Variants in MOB3B observed in about 807,000 individuals in gnomAD.
MOB3B encodes MOB kinase activator 3B.
Under a neutral mutation model 18.7 loss-of-function variants are expected in MOB3B, and 7 were observed. That is an observed-to-expected ratio of 0.37 (90% CI 0.21 to 0.70). MOB3B has a LOEUF of 0.70. MOB3B is among the 30% of genes least tolerant of loss of function. The pLI is 0.52. For missense variants in MOB3B, 253 were observed against 281.3 expected, an observed-to-expected ratio of 0.90 and a Z score of 0.72; for synonymous variants, 111 against 99.9, an observed-to-expected ratio of 1.11 and a Z score of -0.66.
chr9:27,397,628 A>C (rs1821821595), intron 2 of MOB3B: 2 of 152,200 alleles, frequency 1.3e-5, no homozygotes, highest in African/African-American at 4.8e-5. Context: ...CCCTCACAAG[A>C]TTCTAGTAAT....
At chr9:27,473,993 C>G (rs1006556608) in intron 1 of MOB3B, among the ~76,000 whole-genome samples, 1 of 152,132 alleles carries the variant, frequency 6.6e-6, no homozygotes, top group African/African-American at 2.4e-5. Flanking sequence ...TCAAGAGGGC[C>G]CACACCAGAA....
intron 1 of MOB3B, among the ~76,000 whole-genome samples, chr9:27,487,510 T>C (rs1004849964): frequency 4.6e-5 from 7 of 151,978 alleles, no homozygotes; most frequent in African/African-American, 1.7e-4. Flanking sequence ...TAGGCCCACA[T>C]CCCCATCACC....
At chr9:27,397,977 C>T (rs944050068) in intron 2 of MOB3B, among the ~76,000 whole-genome samples, 32 of 152,318 alleles carry the variant, frequency 2.1e-4, no homozygotes, top group Admixed American at 1.4e-3. Flanking sequence ...CAGTTAAGAA[C>T]CTGTGTTAGG....
chr9:27,483,712 T>C (rs771338514), intron 1 of MOB3B, among the ~76,000 whole-genome samples: 2 of 152,168 alleles, frequency 1.3e-5, no homozygotes, highest in Non-Finnish European at 2.9e-5. Context: ...CACGTTGTTA[T>C]GTTTGGTATG....
intron 1 of MOB3B, among the ~76,000 whole-genome samples, chr9:27,503,211 T>G (rs1183819083): frequency 6.6e-6 from 1 of 152,030 alleles, no homozygotes; most frequent in East Asian, 1.9e-4. Context: ...AGGGAAGGAC[T>G]GGGAGTTGAA....
chr9:27,384,297 T>C (rs991362029), intron 2 of MOB3B, among the ~76,000 whole-genome samples: 1 of 152,014 alleles, frequency 6.6e-6, no homozygotes, highest in Non-Finnish European at 1.5e-5. Flanking sequence ...GGAAACAAAC[T>C]ACTATCATTT....
In MOB3B at chr9:27,325,538, A is replaced by T. The variant is rs1483882949; in HGVS notation, c.*5049T>A. 6.6e-6 allele frequency: 1 copy of T among 152,248 alleles called. No homozygotes were observed. Among genetic ancestry groups the T allele is most frequent in the Non-Finnish European group, 1.5e-5 (1 of 68,052 alleles). The allele number at this position is 152,248 out of a possible 1,614,324, so 9.4% of individuals were successfully genotyped here. A position where few individuals can be genotyped will look rare whatever the true frequency, so the allele number is the denominator to read the frequency against. Reference sequence around the variant, plus strand: ...CACTGAAAATTCTTACTCAGAATTAATACCTGTCCAGAGGGAAACAGCCTG... The same window carrying T: ...CACTGAAAATTCTTACTCAGAATTATTACCTGTCCAGAGGGAAACAGCCTG... On this transcript the variant is annotated 3_prime_UTR_variant, in exon 4 of 4. Transcript: ENST00000262244.
At chr9:27,376,357 C>T (rs1821489586) in intron 2 of MOB3B, among the ~76,000 whole-genome samples, 1 of 152,192 alleles carries the variant, frequency 6.6e-6, no homozygotes. Context: ...TTGCATTATA[C>T]TCCACAATAG....
intron 1 of MOB3B, among the ~76,000 whole-genome samples, chr9:27,495,368 T>A (rs12683764): frequency 0.046 from 6,920 of 151,844 alleles, 511 homozygotes; most frequent in East Asian, 0.29. Context: ...ATAAATAAAT[T>A]AATTAATTAA....
At chr9:27,460,721 A>G (rs899736476) in intron 1 of MOB3B, among the ~76,000 whole-genome samples, 10 of 152,230 alleles carry the variant, frequency 6.6e-5, no homozygotes, top group African/African-American at 2.2e-4. Flanking sequence ...ATCAGCTGCC[A>G]GGATGATTCA....
intron 1 of MOB3B, among the ~76,000 whole-genome samples, chr9:27,464,224 G>T (rs1025979765): frequency 2.2e-4 from 33 of 152,108 alleles, no homozygotes; most frequent in African/African-American, 7.7e-4. Context: ...TGGTAGGGGT[G>T]GGGGGCACGG....
intron 2 of MOB3B, among the ~76,000 whole-genome samples, chr9:27,450,480 A>T (rs1822766792): frequency 6.6e-6 from 1 of 152,208 alleles, no homozygotes; most frequent in South Asian, 2.1e-4. Context: ...CACAGTCCTC[A>T]GGCATTTCAG....
intron 1 of MOB3B, among the ~76,000 whole-genome samples, chr9:27,504,935 C>T (rs1820037035): frequency 6.6e-6 from 1 of 152,086 alleles, no homozygotes; most frequent in African/African-American, 2.4e-5. Flanking sequence ...ACTTGTGGCC[C>T]CACATCACTC....
At chr9:27,378,912 C>A (rs1338641488) in intron 2 of MOB3B, among the ~76,000 whole-genome samples, 1 of 152,218 alleles carries the variant, frequency 6.6e-6, no homozygotes, top group Non-Finnish European at 1.5e-5. Context: ...GGAATTCTAG[C>A]CCACGTCTTC....
At chr9:27,406,847 T>TC (rs1402359135) in intron 2 of MOB3B, among the ~76,000 whole-genome samples, 1 of 147,532 alleles carries the variant, frequency 6.8e-6, no homozygotes, top group East Asian at 1.9e-4. Context: ...CTTTTTTTCT[T>TC]TTTTTTTTTT....
chr9:27,326,333 A>G lies in MOB3B; in HGVS notation c.*4254T>C, dbSNP rs1820711642. The G allele has an allele frequency of 2.0e-5, 8 of 396,450 alleles. No homozygotes were observed. Among genetic ancestry groups the G allele is most frequent in the Middle Eastern group, 6.3e-4 (1 of 1,600 alleles). The allele number at this position is 396,450 out of a possible 1,614,324, so 24.6% of individuals were successfully genotyped here. ...ATTGCAAGGGAAAGGAGGCTGAAGC[A>G]CAACTGGTAATAGCCTTCAGATATT... On this transcript the variant is annotated 3_prime_UTR_variant, in exon 4 of 4. Coordinates refer to ENST00000262244, the MANE Select transcript of MOB3B (RefSeq NM_024761.5).
At chr9:27,518,636 C>T (rs57971925) in intron 1 of MOB3B, among the ~76,000 whole-genome samples, 8,705 of 152,022 alleles carry the variant, frequency 0.057, 420 homozygotes, top group African/African-American at 0.13. Flanking sequence ...GAAGTTACTA[C>T]GTGCATAATC....
intron 2 of MOB3B, among the ~76,000 whole-genome samples, chr9:27,410,312 A>G (rs7036058): frequency 0.06 from 9,067 of 152,180 alleles, 714 homozygotes; most frequent in African/African-American, 0.18. Flanking sequence ...CAATGGGGTC[A>G]TTTATTCCTA....
chr9:27,348,638 G>C (rs1236475883), intron 3 of MOB3B, among the ~76,000 whole-genome samples: 1 of 151,460 alleles, frequency 6.6e-6, no homozygotes, highest in Non-Finnish European at 1.5e-5. Flanking sequence ...GGGTGACAGA[G>C]CAAGACTCCA....
Sources: allele counts gnomAD v4.1 joint callset (sites outside exome capture counted in the v4.1 genomes callset), GRCh38; gene constraint gnomAD v4.1.1; transcripts MANE v1.5; gene names NCBI Gene and HGNC (gene_info 2026-07-23, HGNC 2026-07-21).